Variants in DLG1 observed in about 807,000 individuals in gnomAD.
DLG1 encodes discs large MAGUK scaffold protein 1.
In DLG1, 42 loss-of-function variants were observed where a neutral mutation model predicts 123.4. The observed-to-expected ratio is 0.34, with a 90% CI of 0.27 to 0.44. The LOEUF is 0.44. DLG1 is among the 20% of genes least tolerant of loss of function. The probability of loss-of-function intolerance (pLI) is 1.00; values close to 1 mark genes in which losing one functional copy is unlikely to be tolerated. For missense variants in DLG1, 942 were observed against 1,082.6 expected, an observed-to-expected ratio of 0.87 and a Z score of 1.82; for synonymous variants, 317 against 356.2, an observed-to-expected ratio of 0.89 and a Z score of 1.24.
intron 4 of DLG1, among the ~76,000 whole-genome samples, chr3:197,239,595 A>AC (rs1554040533): frequency 6.6e-6 from 1 of 151,772 alleles, no homozygotes; most frequent in African/African-American, 2.4e-5. Flanking sequence ...AGCAAATCAG[A>AC]TTGACAGCAT....
At chr3:197,204,614 C>T (rs1727580276) in intron 4 of DLG1, among the ~76,000 whole-genome samples, 2 of 152,112 alleles carry the variant, frequency 1.3e-5, no homozygotes, top group South Asian at 2.1e-4. Context: ...AGTTCCATAT[C>T]TACAGATTCA....
intron 6 of DLG1, among the ~76,000 whole-genome samples, chr3:197,146,912 A>G (rs1791071245): frequency 6.6e-6 from 1 of 152,210 alleles, no homozygotes; most frequent in East Asian, 1.9e-4. Context: ...AAGGACTAAT[A>G]TCCAGAATCT....
At chr3:197,115,538 C>G (rs1772758155) in intron 13 of DLG1, among the ~76,000 whole-genome samples, 1 of 152,128 alleles carries the variant, frequency 6.6e-6, no homozygotes, top group African/African-American at 2.4e-5. Flanking sequence ...TGAGGACCAA[C>G]TGTTGAACCC....
chr3:197,212,389 G>C (rs1160370483), intron 4 of DLG1, among the ~76,000 whole-genome samples: 1 of 152,200 alleles, frequency 6.6e-6, no homozygotes, highest in Non-Finnish European at 1.5e-5. Flanking sequence ...AGCCAGTAAA[G>C]ATTAAGTAAA....
chr3:197,164,337 C>T lies in DLG1; in HGVS notation c.484-14541G>A, dbSNP rs563632133. 6.6e-5 allele frequency among the ~76,000 whole-genome samples: 10 copies of T among 152,002 alleles called. No individual in the cohort carries two copies. The South Asian group carries it at 1.0e-3, about 16-fold the overall frequency. On this transcript the variant is annotated intron_variant, in intron 5 of 24. Transcript: ENST00000667157. The stretch of plus-strand genomic sequence containing the variant: ...GCTAGAGCCTGGAAGGTGGAGGTTG[C>T]GGTGAGCCTAGATTGCGCCATTGCA...
intron 5 of DLG1, among the ~76,000 whole-genome samples, chr3:197,165,575 C>T (rs9854118): frequency 0.33 from 50,842 of 152,004 alleles, 8,972 homozygotes; most frequent in Middle Eastern, 0.43. Context: ...GGGTTTAGCT[C>T]GGGACTCCAA....
intron 14 of DLG1, among the ~76,000 whole-genome samples, chr3:197,102,391 C>A (rs543374268): frequency 6.6e-6 from 1 of 152,298 alleles, no homozygotes; most frequent in South Asian, 2.1e-4. Flanking sequence ...GGCAGAGAAT[C>A]CCAAGCCTTT....
chr3:197,294,029 C>T (rs1776192171), intron 3 of DLG1: 1 of 152,348 alleles, frequency 6.6e-6, no homozygotes, highest in South Asian at 2.1e-4. Flanking sequence ...ATTTATGACA[C>T]TGTTTCAAAA....
At chr3:197,115,420 G>A (rs1772684747) in intron 13 of DLG1, among the ~76,000 whole-genome samples, 1 of 150,842 alleles carries the variant, frequency 6.6e-6, no homozygotes, top group Non-Finnish European at 1.5e-5. Flanking sequence ...AGATTCTAGG[G>A]TAAAACCACT....
intron 5 of DLG1, among the ~76,000 whole-genome samples, chr3:197,158,634 C>CAAAAAAAAAAAAAAAAAAAAAAAAAA (rs71623339): frequency 3.6e-4 from 24 of 67,488 alleles, no homozygotes; most frequent in Middle Eastern, 7.6e-3. Context: ...AACTCCATTT[C>CAAAAAAAAAAAAAAAAAAAAAAAAAA]AAAAAAAAAA....
In DLG1 at chr3:197,239,843, T is replaced by TAAAAAAAAAA. The variant is rs3035903; in HGVS notation, c.318+42826_318+42835dup. On this transcript the variant is annotated intron_variant, in intron 4 of 24. Transcript: ENST00000667157. ...GACAGTTCAGGGGCCACAGAAAAGT[T>TAAAAAAAAAA]AAAAAAAAAAAAAAGAATTCTAGCA... is the stretch of plus-strand genomic sequence containing the variant. 5.2e-4 allele frequency among the ~76,000 whole-genome samples: 70 copies of TAAAAAAAAAA among 133,944 alleles called. 8 individuals are homozygous for TAAAAAAAAAA. The highest frequency in any genetic ancestry group is 8.4e-4 in the East Asian group (4 of 4,778). The allele number at this position is 133,944 out of a possible 152,430, so 87.9% of individuals were successfully genotyped here.
At chr3:197,285,948 T>C (rs1771621882) in intron 3 of DLG1, among the ~76,000 whole-genome samples, 1 of 152,226 alleles carries the variant, frequency 6.6e-6, no homozygotes, top group South Asian at 2.1e-4. Flanking sequence ...AGCTTTATAC[T>C]AACTGATAAA....
chr3:197,298,044 T>G (rs934387968), intron 1 of DLG1: 9 of 540,942 alleles, frequency 1.7e-5, no homozygotes, highest in Admixed American at 6.4e-5. Context: ...GCCCAGTTGC[T>G]GCCGCACGCC....
intron 13 of DLG1, among the ~76,000 whole-genome samples, chr3:197,106,528 A>G (rs1242616513): frequency 6.6e-6 from 1 of 152,046 alleles, no homozygotes; most frequent in Non-Finnish European, 1.5e-5. Flanking sequence ...AAAACTCAAT[A>G]CAATGTATAA....
Position 197,100,850 on chromosome 3 carries a change from C to T in DLG1, c.1546+4053G>A, listed in dbSNP as rs189264484. Among the ~76,000 whole-genome samples, 7 of 152,196 alleles carry T rather than the reference C, an allele frequency of 4.6e-5. No individual in the cohort carries two copies. In the East Asian group the frequency reaches 1.2e-3, roughly 25 times the overall value. ...TACCCTCTGAGGAGTCTGATGGCCCCGAAGAATGGAAAGACCAGTCATACC... is the reference window on the plus strand; with the variant it reads ...TACCCTCTGAGGAGTCTGATGGCCCTGAAGAATGGAAAGACCAGTCATACC... On this transcript the variant is annotated intron_variant, in intron 14 of 24. Transcript: ENST00000667157.
intron 24 of DLG1, 74 bp from the exon 25 acceptor site, chr3:197,044,803 G>A: frequency 3.5e-6 from 3 of 858,172 alleles, no homozygotes; most frequent in Non-Finnish European, 5.3e-6. Flanking sequence ...TGATGAAATA[G>A]TAGAAGCTAG....
At chr3:197,261,340 G>A (rs1014100506) in intron 4 of DLG1, among the ~76,000 whole-genome samples, 9 of 152,234 alleles carry the variant, frequency 5.9e-5, no homozygotes, top group Non-Finnish European at 8.8e-5. Flanking sequence ...TACTTGGGAG[G>A]CTGAAACTGG....
At chr3:197,082,724 T>C (rs1427243782) in intron 16 of DLG1, among the ~76,000 whole-genome samples, 1 of 152,162 alleles carries the variant, frequency 6.6e-6, no homozygotes, top group Non-Finnish European at 1.5e-5. Flanking sequence ...GCATAATTAG[T>C]TGTGGTTTCT....
intron 3 of DLG1, among the ~76,000 whole-genome samples, chr3:197,290,510 T>A (rs1288476968): frequency 6.6e-6 from 1 of 152,116 alleles, no homozygotes; most frequent in Non-Finnish European, 1.5e-5. Context: ...AGCAGATGAC[T>A]CTGTGTACCT....
Sources: gnomAD v4.1 joint callset for allele counts (sites outside exome capture counted in the v4.1 genomes callset) on GRCh38, gnomAD v4.1.1 for gene constraint, MANE v1.5 for transcripts, NCBI Gene and HGNC (gene_info 2026-07-23, HGNC 2026-07-21) for gene names.